The following SPNS2 variants were observed in gnomAD, a reference collection of about 807,000 sequenced individuals.
The protein encoded by SPNS2 is sphingosine-1-phosphate transporter SPNS2.
A neutral mutation model predicts 57.6 loss-of-function variants in SPNS2; 37 were observed. The observed-to-expected ratio is 0.64, with a 90% CI of 0.49 to 0.85. The LOEUF (loss-of-function observed/expected upper bound fraction) is 0.85. Ranked by LOEUF, SPNS2 falls within the 40% of genes least tolerant of loss-of-function variation. SPNS2 has a pLI of 0.00. For synonymous variants in SPNS2, 440 were observed against 346.9 expected (o/e 1.27, Z -2.98); for missense variants, 831 against 779.1 (o/e 1.07, Z -0.79).
At position 4,533,930 on chromosome 17, in the gene SPNS2, G is replaced by A. The variant is rs1458744181; in HGVS notation, c.1344+77G>A. On this transcript the variant is annotated intron_variant, in intron 9 of 12. Coordinates refer to ENST00000329078, the MANE Select transcript of SPNS2 (RefSeq NM_001124758.3). Reference sequence around the variant, plus strand: ...CCTCACAGGGGTGCCTGGGGAGGGCGGGTGAAGGGGCGGGAGAGCTGGTAG... The same window carrying A: ...CCTCACAGGGGTGCCTGGGGAGGGCAGGTGAAGGGGCGGGAGAGCTGGTAG... The A allele has an allele frequency of 3.7e-5, 45 of 1,219,932 alleles. 1 individual carries two copies. The highest frequency in any genetic ancestry group is 1.6e-4 in the Admixed American group (9 of 57,544). The allele number at this position is 1,219,932 out of a possible 1,614,324, so 75.6% of individuals were successfully genotyped here.
chr17:4,538,300 G>T lies in SPNS2; in HGVS notation c.*852G>T. ...CGAGGCTGAGCTGAGCCTTTTCCAGGGGCAGGGCCCAGGAGACCATTCCCA... is the reference window on the plus strand; with the variant it reads ...CGAGGCTGAGCTGAGCCTTTTCCAGTGGCAGGGCCCAGGAGACCATTCCCA... On this transcript the variant is annotated 3_prime_UTR_variant, in exon 13 of 13. Coordinates refer to ENST00000329078, the MANE Select transcript of SPNS2 (RefSeq NM_001124758.3). 1 of 184,598 alleles carries T rather than the reference G, an allele frequency of 5.4e-6. No homozygotes were observed. Among genetic ancestry groups the T allele is most frequent in the Non-Finnish European group, 1.1e-5 (1 of 87,742 alleles). The allele number at this position is 184,598 out of a possible 1,614,324, so 11.4% of individuals were successfully genotyped here. A position where few individuals can be genotyped will look rare whatever the true frequency, so the allele number is the denominator to read the frequency against.
chr17:4,524,530 A>G (rs142743115), intron 2 of SPNS2, among the ~76,000 whole-genome samples: 4 of 152,286 alleles, frequency 2.6e-5, no homozygotes, highest in Non-Finnish European at 4.4e-5. Flanking sequence ...ACTAAAATAC[A>G]AGAATTAGCC....
rs1331210096 is a variant in SPNS2, at chr17:4,510,923, TCTCAC to T, written c.371-2320_371-2316del. ...TTTTGGCAATAGACCTCGTTTCAGATCTCACCTCCAAAACAGAATGTACTGTGTGA... is the reference window on the plus strand; with the variant it reads ...TTTTGGCAATAGACCTCGTTTCAGATCTCCAAAACAGAATGTACTGTGTGA... On this transcript the variant is annotated intron_variant, in intron 1 of 12. Coordinates refer to ENST00000329078, the MANE Select transcript of SPNS2 (RefSeq NM_001124758.3). The surrounding 1 kb of genome is among the most constrained non-coding windows in gnomAD (Gnocchi z 4.4). Among the ~76,000 whole-genome samples, 2 of 152,204 alleles carry T rather than the reference TCTCAC, an allele frequency of 1.3e-5. No individual in the cohort carries two copies. The highest frequency in any genetic ancestry group is 4.8e-5 in the African/African-American group (2 of 41,442).
chr17:4,500,100 G>A (rs1904433110), intron 1 of SPNS2, among the ~76,000 whole-genome samples: 1 of 152,208 alleles, frequency 6.6e-6, no homozygotes, highest in African/African-American at 2.4e-5. Flanking sequence ...CTGCTCTATG[G>A]TGCTTGGGGT....
chr17:4,529,065 A>G (rs1905351204), intron 3 of SPNS2, among the ~76,000 whole-genome samples: 2 of 151,368 alleles, frequency 1.3e-5, no homozygotes, highest in African/African-American at 4.9e-5. Flanking sequence ...CCTCTCCAGT[A>G]GCTGGGATCA....
intron 4 of SPNS2, 118 bp downstream of exon 4, chr17:4,530,901 T>C: frequency 6.8e-7 from 1 of 1,474,898 alleles, no homozygotes; most frequent in Non-Finnish European, 9.1e-7. Context: ...GAGCTAAACA[T>C]GTGGGCGGTC....
intron 2 of SPNS2, among the ~76,000 whole-genome samples, chr17:4,523,322 C>T (rs1905185549): frequency 6.6e-6 from 1 of 152,016 alleles, no homozygotes; most frequent in Admixed American, 6.6e-5. Context: ...CCTGTAATCC[C>T]AGCTACTCAA....
chr17:4,499,342 C>G lies in SPNS2; in HGVS notation c.295C>G (p.Arg99Gly), dbSNP rs1305739197. Residue 99 changes from arginine (R) to glycine (G), a missense_variant, in exon 1 of 13, where the codon CGC becomes GGC. This residue lies in a region of SPNS2 where 305 missense variants were observed against 378.3 expected (regional missense o/e 0.81). Coordinates refer to ENST00000329078, the MANE Select transcript of SPNS2 (RefSeq NM_001124758.3). This position sits in a 1 kb window ranked among gnomAD's most constrained non-coding sequence, Gnocchi z 5.2. The part of the protein sequence containing the change: ...AQQPKPASLG[R>G]GRGAAAAILS... ...GCAGCCCAAACCGGCCAGCTTGGGC[C>G]GCGGGCGGGGGGCAGCCGCCGCCAT... 2.1e-6 allele frequency: 3 copies of G among 1,462,866 alleles called. No homozygotes were observed. In the South Asian group the frequency reaches 3.9e-5, roughly 19 times the overall value. 90.6% of individuals were successfully genotyped at this position (1,462,866 alleles called of 1,614,324 possible).
chr17:4,519,230 G>T (rs1031631669), intron 2 of SPNS2, among the ~76,000 whole-genome samples: 34 of 152,216 alleles, frequency 2.2e-4, no homozygotes, highest in Non-Finnish European at 3.5e-4. Context: ...CAGGCTCCAA[G>T]GCCACAGGGC....
At chr17:4,529,593 A>AC (rs1567594106) in intron 3 of SPNS2, among the ~76,000 whole-genome samples, 1 of 151,658 alleles carries the variant, frequency 6.6e-6, no homozygotes, top group Non-Finnish European at 1.5e-5. Context: ...AATCGCTTGA[A>AC]CCCGGGGGGC....
At chr17:4,530,820 T>C in intron 4 of SPNS2, 37 bp downstream of exon 4, 2 of 1,595,700 alleles carry the variant, frequency 1.3e-6, no homozygotes, top group Middle Eastern at 3.3e-4. Flanking sequence ...GGTGAGGATC[T>C]GGGCAAGGTT....
At chr17:4,533,921 G>A in intron 9 of SPNS2, 68 bp downstream of exon 9, 1 of 1,363,520 alleles carries the variant, frequency 7.3e-7, no homozygotes, top group Non-Finnish European at 1.0e-6. Flanking sequence ...AGGGGTGCCT[G>A]GGGAGGGCGG....
At chr17:4,531,280 G>GT (rs1905457807) in intron 5 of SPNS2, among the ~76,000 whole-genome samples, 161 bp downstream of exon 5, 1 of 152,212 alleles carries the variant, frequency 6.6e-6, no homozygotes, top group South Asian at 2.1e-4. Context: ...CCAGATTGAG[G>GT]TATCAGAGCG....
intron 1 of SPNS2, among the ~76,000 whole-genome samples, chr17:4,504,121 C>G (rs978879270): frequency 8.5e-5 from 13 of 152,050 alleles, no homozygotes; most frequent in African/African-American, 2.9e-4. Context: ...GTGGCTCTCT[C>G]TTTAGATAAG....
At chr17:4,520,993 A>G (rs1905125109) in intron 2 of SPNS2, among the ~76,000 whole-genome samples, 3 of 152,198 alleles carry the variant, frequency 2.0e-5, no homozygotes, top group Non-Finnish European at 4.4e-5. Flanking sequence ...TGAAGTTTAT[A>G]TTTCAGCGTA....
chr17:4,506,108 TG>T (rs1904670369), intron 1 of SPNS2, among the ~76,000 whole-genome samples: 1 of 151,958 alleles, frequency 6.6e-6, no homozygotes. Context: ...GGGGTGCAGG[TG>T]GGGAACACAG....
rs370958771 is a variant in SPNS2 at position 4,536,960 on chromosome 17, G to A, written c.*4+14G>A. ...AAGTCTGAGGTGGTGAGTGCAGGCC[G>A]GGAGGCACGTGGGGGCTCCCTAAGG... On this transcript the variant is annotated intron_variant, in intron 12 of 12. Coordinates refer to ENST00000329078, the MANE Select transcript of SPNS2 (RefSeq NM_001124758.3). 3.1e-5 allele frequency: 50 copies of A among 1,611,652 alleles called. No homozygotes were observed. The highest frequency in any genetic ancestry group is 1.5e-4 in the South Asian group (14 of 90,738).
intron 12 of SPNS2, among the ~76,000 whole-genome samples, chr17:4,537,215 A>G (rs1192700083): frequency 6.6e-6 from 1 of 152,172 alleles, no homozygotes; most frequent in Admixed American, 6.5e-5. Flanking sequence ...ACTGGCCAGG[A>G]ACTCCTCACT....
At chr17:4,525,930 C>G (rs1329656779) in intron 3 of SPNS2, among the ~76,000 whole-genome samples, 1 of 152,152 alleles carries the variant, frequency 6.6e-6, no homozygotes, top group African/African-American at 2.4e-5. Flanking sequence ...GTGAGTTCCC[C>G]ATCTCGAGGC....
Sources: allele counts gnomAD v4.1 joint callset (sites outside exome capture counted in the v4.1 genomes callset), GRCh38; gene constraint gnomAD v4.1.1; regional missense constraint gnomAD v4.1.1; non-coding constraint Gnocchi (gnomAD v3.1); transcripts MANE v1.5; gene names NCBI Gene and HGNC (gene_info 2026-07-23, HGNC 2026-07-21).